Variants in DHX57 observed in about 807,000 individuals in gnomAD.
DHX57 encodes the protein DExH-box helicase 57, also known as putative ATP-dependent RNA helicase DHX57.
In DHX57, 105 loss-of-function variants were observed where a neutral mutation model predicts 156.2. The ratio of observed to expected loss-of-function variants is 0.67; its 90% CI spans 0.57 to 0.79. DHX57 has a LOEUF of 0.79. DHX57 is among the 30% of genes least tolerant of loss of function. The probability of loss-of-function intolerance (pLI) is 0.00; values close to 1 mark genes in which losing one functional copy is unlikely to be tolerated. For synonymous variants in DHX57, 704 were observed against 595.6 expected, an observed-to-expected ratio of 1.18 and a Z score of -2.65; for missense variants, 1,847 against 1,661.9, an observed-to-expected ratio of 1.11 and a Z score of -1.94.
At position 38,858,755 on chromosome 2, in the gene DHX57, T is replaced by A; in HGVS notation, c.1493A>T (p.Asn498Ile). The A allele has an allele frequency of 1.2e-6, 2 of 1,614,136 alleles. No individual in the cohort carries two copies. Among genetic ancestry groups the A allele is most frequent in the Non-Finnish European group, 1.7e-6 (2 of 1,180,008 alleles). Residue 498 changes from asparagine (N) to isoleucine (I), a missense_variant, in exon 6 of 24, where the codon AAC (asparagine) becomes ATC (isoleucine). Asn to Ile is a moderately radical substitution (Grantham distance 149). Transcript: ENST00000457308. Reference sequence around the variant, plus strand: ...TCTTTTGGAAATCTTTTTCTTAAGGTTCACATAGCTTTCATTCTCTACTAT... The same window carrying A: ...TCTTTTGGAAATCTTTTTCTTAAGGATCACATAGCTTTCATTCTCTACTAT... ...PVIVENESYV[N>I]LKKKISKRYD...
rs375970776 is a variant in DHX57, at chr2:38,861,428, T to A, written c.982A>T (p.Asn328Tyr). The A allele has an allele frequency of 1.2e-6, 2 of 1,614,066 alleles. No homozygotes were observed. Among genetic ancestry groups the A allele is most frequent in the East Asian group, 2.2e-5 (1 of 44,880 alleles). ...CTTTCTATTCTTCCAACAATTTGAT[T>A]TGGGGGCACTTCATGTTTGAATCTG... ...KCRFKHEVPP[N>Y]QIVGRIERSV... The change falls in exon 5 of 24, where the codon AAT becomes TAT. Residue 328 changes from asparagine (N) to tyrosine (Y), a missense_variant. By Grantham distance (143) the Asn-to-Tyr change is moderately radical (BLOSUM62 -2). Coordinates refer to ENST00000457308, the MANE Select transcript of DHX57 (RefSeq NM_198963.3).
intron 20 of DHX57, among the ~76,000 whole-genome samples, 174 bp downstream of exon 20, chr2:38,815,347 G>A (rs749235745): frequency 2.6e-5 from 4 of 152,172 alleles, no homozygotes; most frequent in African/African-American, 9.7e-5. Context: ...TTATAGGCAC[G>A]AGCCACCGTG....
rs1673196454 is a variant in DHX57, at chr2:38,861,363, T to C, written c.1047A>G (p.Ala349=). ...GAATTTCAAGTTCATATAAAAAAGA[T>C]GCATCTTCAATAGCATTAAGATGAG... The part of the protein sequence containing the change: ...DDSHLNAIED[A]SFLYELEIRF... The change falls in exon 5 of 24, where the codon GCA becomes GCG. Residue 349 remains alanine, a synonymous_variant. Transcript: ENST00000457308. 4 of 1,613,716 alleles carry C rather than the reference T, an allele frequency of 2.5e-6. No homozygotes were observed. The highest frequency in any genetic ancestry group is 1.3e-5 in the African/African-American group (1 of 74,964).
intron 9 of DHX57, chr2:38,852,989 T>G (rs1021835178): frequency 6.3e-6 from 1 of 159,892 alleles, no homozygotes; most frequent in Non-Finnish European, 1.3e-5. Context: ...TGCAAAATCT[T>G]CAAACATACT....
intron 13 of DHX57, among the ~76,000 whole-genome samples, chr2:38,833,594 G>A (rs1489671827): frequency 1.3e-5 from 2 of 152,216 alleles, no homozygotes; most frequent in African/African-American, 2.4e-5. Flanking sequence ...GGGACTGCAA[G>A]TGAGGTTAAG....
chr2:38,819,237 C>A (rs1013711902), intron 17 of DHX57, 93 bp from the exon 18 acceptor site: 5 of 1,136,822 alleles, frequency 4.4e-6, no homozygotes, highest in Non-Finnish European at 5.2e-6. Flanking sequence ...TGCAGTGGTG[C>A]GATCATAGCC....
rs1558364304 is a variant in DHX57, at chr2:38,818,958, T to C, written c.3390A>G (p.Gly1130=). 1.2e-6 allele frequency: 2 copies of C among 1,614,150 alleles called. No homozygotes were observed. Among genetic ancestry groups the C allele is most frequent in the Admixed American group, 3.3e-5 (2 of 60,006 alleles). Residue 1130 remains glycine, a splice_region_variant and synonymous_variant, in exon 19 of 24, where the codon GGA becomes GGG. Coordinates refer to ENST00000457308, the MANE Select transcript of DHX57 (RefSeq NM_198963.3). ...DYLALLQAYK[G]WQLSTKEGVR... Reference sequence around the variant, plus strand: ...CGCCTTCTTTTGTACTTAGCTGCCATCCCTAAATTTTGGAGAAAATCAAAC... The same window carrying C: ...CGCCTTCTTTTGTACTTAGCTGCCACCCCTAAATTTTGGAGAAAATCAAAC...
At chr2:38,801,808 G>A (rs910259578) in intron 23 of DHX57, among the ~76,000 whole-genome samples, 7 of 152,214 alleles carry the variant, frequency 4.6e-5, no homozygotes, top group Non-Finnish European at 8.8e-5. Flanking sequence ...TATTGGCCAG[G>A]CTGGTCTCGA....
intron 11 of DHX57, among the ~76,000 whole-genome samples, chr2:38,845,927 G>T (rs1478370806): frequency 6.7e-6 from 1 of 149,538 alleles, no homozygotes; most frequent in Non-Finnish European, 1.5e-5. Context: ...GTGCAATGGC[G>T]TGGTCTCAGC....
At chr2:38,810,637 C>A in intron 21 of DHX57, 1 of 657,446 alleles carries the variant, frequency 1.5e-6, no homozygotes, top group South Asian at 1.4e-5. Flanking sequence ...CTGCACTTTC[C>A]CTTCCACTCG....
At chr2:38,798,789 C>A (rs867404494) in intron 23 of DHX57, among the ~76,000 whole-genome samples, 16 of 151,860 alleles carry the variant, frequency 1.1e-4, no homozygotes, top group African/African-American at 3.9e-4. Flanking sequence ...ACTAGAAATA[C>A]AAAAATTAGC....
intron 13 of DHX57, among the ~76,000 whole-genome samples, chr2:38,835,686 G>C (rs1405984802): frequency 6.6e-6 from 1 of 152,192 alleles, no homozygotes; most frequent in Non-Finnish European, 1.5e-5. Flanking sequence ...AATTCTGATA[G>C]AGAGAACATC....
intron 12 of DHX57, among the ~76,000 whole-genome samples, chr2:38,841,797 A>G (rs1409274156): frequency 6.6e-6 from 1 of 152,230 alleles, no homozygotes; most frequent in South Asian, 2.1e-4. Flanking sequence ...AGTTTAGCTT[A>G]TATGGATAGA....
At chr2:38,840,457 T>C (rs758188591) in intron 12 of DHX57, among the ~76,000 whole-genome samples, 1 of 151,832 alleles carries the variant, frequency 6.6e-6, no homozygotes, top group Non-Finnish European at 1.5e-5. Flanking sequence ...CTGGGCTCAC[T>C]GTAGCCTCCG....
intron 19 of DHX57, 154 bp from the exon 20 acceptor site, chr2:38,815,809 G>C (rs1456625293): frequency 7.5e-6 from 7 of 931,180 alleles, no homozygotes; most frequent in South Asian, 1.8e-5. Context: ...ATCTTGTCTG[G>C]TCATTTCCAA....
intron 1 of DHX57, among the ~76,000 whole-genome samples, chr2:38,871,920 G>C (rs917992191): frequency 1.3e-5 from 2 of 152,092 alleles, no homozygotes; most frequent in Admixed American, 6.5e-5. Flanking sequence ...ATGTTAGCCA[G>C]GATGGTCTCG....
intron 1 of DHX57, 65 bp from the exon 2 acceptor site, chr2:38,868,476 C>T (rs537866669): frequency 1.3e-6 from 2 of 1,501,000 alleles, no homozygotes; most frequent in Admixed American, 1.8e-5. Flanking sequence ...CCTTTGTTTG[C>T]CAAACTTATG....
chr2:38,811,648 T>G, intron 21 of DHX57: 2 of 1,280,304 alleles, frequency 1.6e-6, no homozygotes, highest in South Asian at 2.4e-5. Flanking sequence ...GAGCCTTTGC[T>G]GAACATAGCA....
chr2:38,851,902 C>G lies in DHX57; in HGVS notation c.2030+2152G>C, dbSNP rs188804258. ...ATTTCTTCTTTCAGATGTTCATTTC[C>G]AACAGTGGCAAAATGACATTATTTA... On this transcript the variant is annotated intron_variant, in intron 9 of 23. Transcript: ENST00000457308. Among the ~76,000 whole-genome samples the G allele has an allele frequency of 1.8e-4, 28 of 152,132 alleles. No homozygotes were observed. In the East Asian group the frequency reaches 5.0e-3, roughly 27 times the overall value.
Sources: allele counts gnomAD v4.1 joint callset (sites outside exome capture counted in the v4.1 genomes callset), GRCh38; gene constraint gnomAD v4.1.1; transcripts MANE v1.5; gene names NCBI Gene and HGNC (gene_info 2026-07-23, HGNC 2026-07-21).